Variants in L3MBTL4 observed in about 807,000 individuals in gnomAD.
L3MBTL4 encodes the protein lethal(3)malignant brain tumor-like protein 4.
L3MBTL4 carries 70 observed loss-of-function variants against 84.5 expected under a neutral mutation model. That is an observed-to-expected ratio of 0.83 (90% CI 0.68 to 1.01). L3MBTL4 has a LOEUF of 1.01. Among genes scored for constraint, L3MBTL4 ranks in the 50% least tolerant of loss-of-function variants. The pLI, the probability that L3MBTL4 is intolerant of heterozygous loss-of-function variation, is 0.00. For synonymous variants in L3MBTL4, 274 were observed against 259.8 expected (o/e 1.05, Z -0.52); for missense variants, 715 against 754.8 (o/e 0.95, Z 0.62).
At chr18:6,408,858 G>A (rs1253215026) in intron 1 of L3MBTL4, among the ~76,000 whole-genome samples, 1 of 151,902 alleles carries the variant, frequency 6.6e-6, no homozygotes, top group African/African-American at 2.4e-5. Flanking sequence ...TGTATTTTTA[G>A]TAGAGATGGG....
chr18:6,343,678 A>AG (rs55675033), intron 1 of L3MBTL4, among the ~76,000 whole-genome samples: 2 of 151,510 alleles, frequency 1.3e-5, no homozygotes, highest in Non-Finnish European at 2.9e-5. Context: ...AAAAAAAAAA[A>AG]GAAGTTGTAA....
At chr18:6,375,141 G>C (rs1409449538) in intron 1 of L3MBTL4, among the ~76,000 whole-genome samples, 1 of 152,000 alleles carries the variant, frequency 6.6e-6, no homozygotes, top group Non-Finnish European at 1.5e-5. Flanking sequence ...GCCTTCCACT[G>C]GCGGCCACCT....
At chr18:5,965,047 A>G (rs1247606560) in intron 17 of L3MBTL4, among the ~76,000 whole-genome samples, 1 of 152,222 alleles carries the variant, frequency 6.6e-6, no homozygotes, top group East Asian at 1.9e-4. Context: ...TAAGACACAT[A>G]CTTTACACCT....
intron 16 of L3MBTL4, among the ~76,000 whole-genome samples, chr18:6,016,148 T>A (rs797000391): frequency 2.6e-5 from 4 of 151,822 alleles, no homozygotes; most frequent in South Asian, 4.2e-4. Flanking sequence ...GGTGTGGAAG[T>A]GGGGTTGGCA....
chr18:6,037,214 C>T (rs763596589), intron 16 of L3MBTL4, among the ~76,000 whole-genome samples: 5 of 152,326 alleles, frequency 3.3e-5, no homozygotes, highest in East Asian at 1.9e-4. Flanking sequence ...GCTCCAGGAA[C>T]GCATGCATAC....
At chr18:5,976,753 G>A (rs1242511540) in intron 16 of L3MBTL4, among the ~76,000 whole-genome samples, 3 of 152,150 alleles carry the variant, frequency 2.0e-5, no homozygotes, top group East Asian at 1.9e-4. Flanking sequence ...CTGAATGAAC[G>A]CACGCAGGCC....
At chr18:5,958,364 G>A (rs1037996556) in intron 18 of L3MBTL4, among the ~76,000 whole-genome samples, 62 of 151,916 alleles carry the variant, frequency 4.1e-4, no homozygotes, top group African/African-American at 1.2e-3. Flanking sequence ...TTTTTCCCTC[G>A]GAAAAGGCAT....
At chr18:6,154,124 C>A (rs762278191) in intron 13 of L3MBTL4, among the ~76,000 whole-genome samples, 4 of 152,086 alleles carry the variant, frequency 2.6e-5, no homozygotes, top group Non-Finnish European at 5.9e-5. Flanking sequence ...AAGTAGGCAC[C>A]CGTGTCTTGT....
chr18:6,317,851 C>T (rs1355019853), intron 1 of L3MBTL4, among the ~76,000 whole-genome samples: 1 of 152,048 alleles, frequency 6.6e-6, no homozygotes, highest in African/African-American at 2.4e-5. Context: ...AGCAGTGAGA[C>T]AAAATGCAAT....
rs550581134 is a variant in L3MBTL4, at chr18:5,978,587, C to T, written c.1445-9025G>A. On this transcript the variant is annotated intron_variant, in intron 16 of 18. Coordinates refer to ENST00000317931, the MANE Select transcript of L3MBTL4 (RefSeq NM_001330559.2). ...TCTTCTTTTTAGGCATCCTCCTGCC[C>T]GGTCACTTCCTACCCTGCTCTCCAC... Among the ~76,000 whole-genome samples, 123 of 152,268 alleles carry T rather than the reference C, an allele frequency of 8.1e-4. 1 individual carries two copies. The highest frequency in any genetic ancestry group is 1.4e-3 in the Non-Finnish European group (95 of 68,032).
At chr18:6,191,343 A>C (rs73383939) in intron 12 of L3MBTL4, among the ~76,000 whole-genome samples, 1 of 152,002 alleles carries the variant, frequency 6.6e-6, no homozygotes, top group East Asian at 1.9e-4. Context: ...TGTAGTCAAC[A>C]GTTTGCTGGT....
rs1032563185 is a variant in L3MBTL4 at position 6,166,712 on chromosome 18, C to T, written c.1096+5116G>A. The stretch of plus-strand genomic sequence containing the variant: ...AGGGAAACTTATAGCACTAAATGCC[C>T]ACAAGAGAAAGCAGGAAAGATCAAA... On this transcript the variant is annotated intron_variant, in intron 13 of 18. Transcript: ENST00000317931. 2.0e-5 allele frequency among the ~76,000 whole-genome samples: 3 copies of T among 151,800 alleles called. 1 individual carries two copies.
chr18:6,337,864 C>T (rs1817467909), intron 1 of L3MBTL4, among the ~76,000 whole-genome samples: 1 of 151,390 alleles, frequency 6.6e-6, no homozygotes, highest in Non-Finnish European at 1.5e-5. Flanking sequence ...AATATAAACA[C>T]AAAGAAAAAA....
intron 12 of L3MBTL4, among the ~76,000 whole-genome samples, chr18:6,182,516 T>C (rs1480423496): frequency 6.6e-6 from 1 of 152,208 alleles, no homozygotes; most frequent in Non-Finnish European, 1.5e-5. Flanking sequence ...AATAGTTTCT[T>C]TTGCAGTGCA....
intron 14 of L3MBTL4, among the ~76,000 whole-genome samples, chr18:6,130,761 T>C (rs2059852775): frequency 6.6e-6 from 1 of 152,200 alleles, no homozygotes; most frequent in Non-Finnish European, 1.5e-5. Flanking sequence ...CCCAATATTG[T>C]CATCTTTAAA....
At chr18:6,040,928 T>C (rs2056373591) in intron 16 of L3MBTL4, among the ~76,000 whole-genome samples, 1 of 142,944 alleles carries the variant, frequency 7.0e-6, no homozygotes, top group Non-Finnish European at 1.5e-5. Flanking sequence ...AAAATTTGAG[T>C]TGTTTTTTGC....
chr18:6,169,614 G>T (rs1232101349), intron 13 of L3MBTL4, among the ~76,000 whole-genome samples: 1 of 148,442 alleles, frequency 6.7e-6, no homozygotes, highest in East Asian at 2.0e-4. Flanking sequence ...TCACTCATAG[G>T]TGGGAATTGA....
intron 13 of L3MBTL4, among the ~76,000 whole-genome samples, chr18:6,163,296 T>G (rs1387542612): frequency 7.7e-6 from 1 of 130,080 alleles, no homozygotes; most frequent in African/African-American, 3.4e-5. Context: ...TGTGTGTGTG[T>G]GTGTGTGTGT....
rs547394351 is a variant in L3MBTL4, at chr18:5,999,067, C to T, written c.1445-29505G>A. Reference sequence around the variant, plus strand: ...ACACTCTTTAGCATGGTGTCCAAGACACCTGACTCACAGTCCCACCTACTG... The same window carrying T: ...ACACTCTTTAGCATGGTGTCCAAGATACCTGACTCACAGTCCCACCTACTG... On this transcript the variant is annotated intron_variant, in intron 16 of 18. Coordinates refer to ENST00000317931, the MANE Select transcript of L3MBTL4 (RefSeq NM_001330559.2). 1.2e-4 allele frequency among the ~76,000 whole-genome samples: 19 copies of T among 152,332 alleles called. No homozygotes were observed. The South Asian group carries it at 3.7e-3, about 30-fold the overall frequency.
Sources: gnomAD v4.1 joint callset for allele counts (sites outside exome capture counted in the v4.1 genomes callset) on GRCh38, gnomAD v4.1.1 for gene constraint, MANE v1.5 for transcripts, NCBI Gene and HGNC (gene_info 2026-07-23, HGNC 2026-07-21) for gene names.